Variants in PRKG1 observed in about 807,000 individuals in gnomAD.
The protein encoded by PRKG1 is protein kinase cGMP-dependent 1.
Under a neutral mutation model 88.1 loss-of-function variants are expected in PRKG1, and 35 were observed. The observed-to-expected ratio is 0.40, with a 90% CI of 0.30 to 0.53. PRKG1 has a LOEUF of 0.53. PRKG1 is among the 20% of genes least tolerant of loss of function. PRKG1 has a pLI of 0.59. For synonymous variants in PRKG1, 303 were observed against 292.5 expected, an observed-to-expected ratio of 1.04 and a Z score of -0.37; for missense variants, 540 against 839.8, an observed-to-expected ratio of 0.64 and a Z score of 4.41.
chr10:51,125,493 G>A (rs1411342643), intron 1 of PRKG1, among the ~76,000 whole-genome samples: 1 of 150,268 alleles, frequency 6.7e-6, no homozygotes, highest in Admixed American at 6.6e-5. Context: ...TTCAAGCCTG[G>A]CCAACATAGT....
At chr10:50,999,665 A>G (rs1157534304) in intron 1 of PRKG1, among the ~76,000 whole-genome samples, 2 of 152,230 alleles carry the variant, frequency 1.3e-5, no homozygotes, top group Admixed American at 6.5e-5. Context: ...ATTCAACTAT[A>G]TGGTACTGTT....
chr10:51,443,198 A>C (rs557026453), intron 2 of PRKG1, among the ~76,000 whole-genome samples: 2 of 144,028 alleles, frequency 1.4e-5, no homozygotes, highest in East Asian at 3.9e-4. Context: ...TACAGTCTGC[A>C]GGCCAAATCT....
Position 50,991,347 on chromosome 10 carries a change from G to A in PRKG1, c.-32G>A. ...CGCCGCCGCCGCCGCCGCCGCCCGAGAAAAAGTTTCGCGGAGGGGCTCAGT... is the reference window on the plus strand; with the variant it reads ...CGCCGCCGCCGCCGCCGCCGCCCGAAAAAAAGTTTCGCGGAGGGGCTCAGT... On this transcript the variant is annotated 5_prime_UTR_variant, in exon 1 of 18. Coordinates refer to the PRKG1 transcript ENST00000401604. The surrounding 1 kb of genome is among the most constrained non-coding windows in gnomAD (Gnocchi z 4.5). 4.7e-6 allele frequency: 7 copies of A among 1,478,542 alleles called. No homozygotes were observed. The highest frequency in any genetic ancestry group is 6.3e-6 in the Non-Finnish European group (7 of 1,115,272). 91.6% of individuals were successfully genotyped at this position (1,478,542 alleles called of 1,614,324 possible).
At chr10:51,081,999 C>G (rs1394126389) in intron 1 of PRKG1, among the ~76,000 whole-genome samples, 5 of 152,186 alleles carry the variant, frequency 3.3e-5, no homozygotes, top group Non-Finnish European at 5.9e-5. Context: ...AAATGATTCT[C>G]CAGCATCTGG....
intron 7 of PRKG1, among the ~76,000 whole-genome samples, chr10:52,082,797 C>T (rs958117980): frequency 6.6e-6 from 1 of 152,078 alleles, no homozygotes; most frequent in African/African-American, 2.4e-5. Context: ...AGCGTAGTTT[C>T]TGACATAGAG....
At chr10:51,604,214 G>A (rs1481192998) in intron 3 of PRKG1, among the ~76,000 whole-genome samples, 3 of 151,376 alleles carry the variant, frequency 2.0e-5, no homozygotes, top group Non-Finnish European at 4.4e-5. Flanking sequence ...TAAAAGAGCT[G>A]TGGTTCTCTC....
At chr10:51,024,597 T>A (rs1483573241) in intron 1 of PRKG1, among the ~76,000 whole-genome samples, 2 of 152,190 alleles carry the variant, frequency 1.3e-5, no homozygotes, top group African/African-American at 4.8e-5. Flanking sequence ...ACACTGCTAT[T>A]GCTATAAAGA....
intron 3 of PRKG1, among the ~76,000 whole-genome samples, chr10:51,788,242 A>C (rs75491694): frequency 6.6e-6 from 1 of 152,186 alleles, no homozygotes; most frequent in Non-Finnish European, 1.5e-5. Context: ...CATATTGCAT[A>C]ATCATACAAT....
chr10:51,615,183 T>C (rs1839016807), intron 3 of PRKG1, among the ~76,000 whole-genome samples: 1 of 152,140 alleles, frequency 6.6e-6, no homozygotes, highest in Non-Finnish European at 1.5e-5. Flanking sequence ...ATAAGGTTTC[T>C]GCTAATAAAT....
At chr10:51,541,674 A>G (rs1361764068) in intron 3 of PRKG1, among the ~76,000 whole-genome samples, 2 of 152,076 alleles carry the variant, frequency 1.3e-5, no homozygotes, top group African/African-American at 2.4e-5. Context: ...TTGATCACTC[A>G]TGGTTTCTAT....
At chr10:51,893,374 C>CT (rs1841769201) in intron 4 of PRKG1, among the ~76,000 whole-genome samples, 1 of 151,850 alleles carries the variant, frequency 6.6e-6, no homozygotes, top group African/African-American at 2.4e-5. Context: ...AATTTGGCAC[C>CT]TTTTTTGAAA....
chr10:51,879,564 G>T (rs1305831171), intron 4 of PRKG1, among the ~76,000 whole-genome samples: 1 of 152,204 alleles, frequency 6.6e-6, no homozygotes, highest in African/African-American at 2.4e-5. Flanking sequence ...TTTTACTCAA[G>T]TTCTGTAAGT....
intron 3 of PRKG1, among the ~76,000 whole-genome samples, chr10:51,577,978 C>T (rs1837931077): frequency 6.6e-6 from 1 of 152,046 alleles, no homozygotes; most frequent in Non-Finnish European, 1.5e-5. Context: ...TAGTAGGCTA[C>T]ACTGAAATTA....
rs74135053 is a variant in PRKG1 at position 51,925,432 on chromosome 10, A to G, written c.762+17862A>G. On this transcript the variant is annotated intron_variant, in intron 5 of 17. Coordinates refer to ENST00000373980, the MANE Select transcript of PRKG1 (RefSeq NM_006258.4). ...ATAAAGTGTCAAGGGGATTTCTTCT[A>G]TATTCCTGTGTTTAGGTGTCAGTAT... is the stretch of plus-strand genomic sequence containing the variant. Among the ~76,000 whole-genome samples, 1,423 of 152,130 alleles carry G rather than the reference A, an allele frequency of 9.4e-3. 24 individuals are homozygous for G. Among genetic ancestry groups the G allele is most frequent in the African/African-American group, 0.032 (1,342 of 41,508 alleles).
At chr10:51,473,757 T>C (rs1487390384) in intron 3 of PRKG1, among the ~76,000 whole-genome samples, 1 of 141,828 alleles carries the variant, frequency 7.1e-6, no homozygotes, top group Non-Finnish European at 1.5e-5. Flanking sequence ...AAACACTGAT[T>C]TTTTTTTTTT....
chr10:51,418,223 C>A (rs1838298407), intron 2 of PRKG1, among the ~76,000 whole-genome samples: 1 of 152,082 alleles, frequency 6.6e-6, no homozygotes, highest in African/African-American at 2.4e-5. Context: ...TTTTAGTTAG[C>A]CTTGAGATTC....
intron 1 of PRKG1, among the ~76,000 whole-genome samples, chr10:50,992,265 G>C (rs1842791047): frequency 6.6e-6 from 1 of 152,178 alleles, no homozygotes; most frequent in Non-Finnish European, 1.5e-5. Flanking sequence ...GGGGCGAGGA[G>C]GGGAGAGGTT....
At chr10:51,422,560 C>T (rs1838447852) in intron 2 of PRKG1, among the ~76,000 whole-genome samples, 1 of 152,160 alleles carries the variant, frequency 6.6e-6, no homozygotes, top group African/African-American at 2.4e-5. Flanking sequence ...TCTTCACATA[C>T]TTTGTCAGCT....
intron 9 of PRKG1, among the ~76,000 whole-genome samples, chr10:52,174,637 C>T (rs1031827669): frequency 2.0e-5 from 3 of 151,904 alleles, no homozygotes; most frequent in African/African-American, 7.2e-5. Flanking sequence ...CTCTATTGCT[C>T]ATGTTTTTGG....
Sources: allele counts gnomAD v4.1 joint callset (sites outside exome capture counted in the v4.1 genomes callset), GRCh38; gene constraint gnomAD v4.1.1; non-coding constraint Gnocchi (gnomAD v3.1); transcripts MANE v1.5; gene names NCBI Gene and HGNC (gene_info 2026-07-23, HGNC 2026-07-21).